Variants in WDR83 observed in about 807,000 individuals in gnomAD.
WDR83 encodes the protein WD repeat domain 83.
Under a neutral mutation model 37.7 loss-of-function variants are expected in WDR83, and 37 were observed. The observed-to-expected ratio is 0.98, with a 90% CI of 0.76 to 1.29. The LOEUF is 1.29. Ranked by LOEUF, WDR83 falls within the 50% of genes most tolerant of loss-of-function variation. WDR83 has a pLI of 0.00. For synonymous variants in WDR83, 174 were observed against 181.1 expected (o/e 0.96, Z 0.31); for missense variants, 445 against 414.4 (o/e 1.07, Z -0.64).
chr19:12,667,663 A>G (rs1424796290), intron 1 of WDR83, among the ~76,000 whole-genome samples: 1 of 152,176 alleles, frequency 6.6e-6, no homozygotes, highest in Non-Finnish European at 1.5e-5. Flanking sequence ...CTGTCTCAAA[A>G]AAAACAAGAA....
chr19:12,668,727 G>A (rs1434699926), intron 2 of WDR83, 100 bp downstream of exon 2: 10 of 938,334 alleles, frequency 1.1e-5, no homozygotes, highest in Non-Finnish European at 1.7e-5. Context: ...TGATGCAGCT[G>A]GGACCTTGCC....
At chr19:12,673,410 C>CTTT (rs58676851) in intron 10 of WDR83, 94 bp downstream of exon 10, 248 of 247,860 alleles carry the variant, frequency 1.0e-3, no homozygotes, top group Middle Eastern at 1.4e-3. Context: ...AGGCTAGGAT[C>CTTT]TTTTTTTTTT....
In WDR83 at chr19:12,670,199, C is replaced by T. The variant is rs1399125571; in HGVS notation, c.244C>T (p.Leu82Phe). Residue 82 changes from leucine (L) to phenylalanine (F), a missense_variant, in exon 5 of 11, where the codon CTC becomes TTC. Coordinates refer to ENST00000418543, the MANE Select transcript of WDR83 (RefSeq NM_001099737.3). ...DAAGSFDNSSLCSGGGDKAVV... is the reference protein window; with the variant it reads ...DAAGSFDNSSFCSGGGDKAVV... ...CTCCAGCTCCTTTGACAACAGTAGT[C>T]TCTGCTCCGGCGGCGGGGACAAGGC... The T allele has an allele frequency of 1.4e-5, 22 of 1,613,942 alleles. No homozygotes were observed. The highest frequency in any genetic ancestry group is 1.7e-5 in the Non-Finnish European group (20 of 1,179,992).
chr19:12,674,611 AG>A lies in WDR83; in HGVS notation c.799-910del, dbSNP rs2024515583. Among the ~76,000 whole-genome samples the A allele has an allele frequency of 5.9e-5, 9 of 152,220 alleles. No individual in the cohort carries two copies. In the South Asian group the frequency reaches 1.9e-3, roughly 32 times the overall value. On this transcript the variant is annotated intron_variant, in intron 10 of 10. Coordinates refer to ENST00000418543, the MANE Select transcript of WDR83 (RefSeq NM_001099737.3). Reference sequence around the variant, plus strand: ...GGAAAGAGGAAGCATGGCTTGCTTGAGGAACTGTTTACATTGTGTTGGGACC... The same window carrying A: ...GGAAAGAGGAAGCATGGCTTGCTTGAGAACTGTTTACATTGTGTTGGGACC...
chr19:12,672,901 A>G lies in WDR83; in HGVS notation c.561A>G (p.Ser187=). The part of the protein sequence containing the change: ...RYDLRMGQLF[S]DYVGSPITCT... ...ACCTAAGGATGGGGCAGCTCTTCTC[A>G]GACTACGTGGGCAGTGAGTGTGGCT... Residue 187 remains serine (S), a synonymous_variant, in exon 8 of 11, where the codon TCA becomes TCG. Coordinates refer to ENST00000418543, the MANE Select transcript of WDR83 (RefSeq NM_001099737.3). 6.3e-7 allele frequency: 1 copy of G among 1,598,626 alleles called. No homozygotes were observed. The highest frequency in any genetic ancestry group is 8.5e-7 in the Non-Finnish European group (1 of 1,172,594).
chr19:12,669,436 C>T, intron 2 of WDR83: 2 of 1,575,112 alleles, frequency 1.3e-6, no homozygotes, highest in South Asian at 2.3e-5. Context: ...GCCTCTTCCG[C>T]TGCAGGAATC....
chr19:12,667,657 C>T (rs2024290852), intron 1 of WDR83, among the ~76,000 whole-genome samples: 1 of 151,868 alleles, frequency 6.6e-6, no homozygotes, highest in Non-Finnish European at 1.5e-5. Flanking sequence ...AAAACTCTGT[C>T]TCAAAAAAAA....
chr19:12,667,353 G>A (rs906473147), intron 1 of WDR83, among the ~76,000 whole-genome samples: 3 of 152,224 alleles, frequency 2.0e-5, no homozygotes, highest in African/African-American at 7.2e-5. Flanking sequence ...AGTGGCTCAA[G>A]CCTGCAATCC....
chr19:12,673,705 C>G (rs969388014), intron 10 of WDR83, among the ~76,000 whole-genome samples: 2 of 151,712 alleles, frequency 1.3e-5, no homozygotes, highest in South Asian at 4.1e-4. Flanking sequence ...CGTAAGCCAC[C>G]ACACCCGGCC....
rs566859217 is a variant in WDR83, at chr19:12,670,171, T to C, written c.225-9T>C. The C allele has an allele frequency of 1.0e-4, 167 of 1,612,726 alleles. 3 individuals carry two copies. The South Asian group carries it at 1.7e-3, about 16-fold the overall frequency. ...GGTCGATGCTGATCCTCCTCCTCCTTTACTCCAGCTCCTTTGACAACAGTA... is the reference window on the plus strand; with the variant it reads ...GGTCGATGCTGATCCTCCTCCTCCTCTACTCCAGCTCCTTTGACAACAGTA... On this transcript the variant is annotated splice_polypyrimidine_tract_variant and intron_variant, in intron 4 of 10. Transcript: ENST00000418543.
chr19:12,672,753 G>C (rs2024459220), intron 7 of WDR83, 94 bp from the exon 8 acceptor site: 1 of 1,310,086 alleles, frequency 7.6e-7, no homozygotes, highest in Admixed American at 2.0e-5. Flanking sequence ...CCTGTGCACT[G>C]GAAGAGCAGG....
At chr19:12,671,832 G>A (rs1440024745) in intron 7 of WDR83, among the ~76,000 whole-genome samples, 2 of 151,962 alleles carry the variant, frequency 1.3e-5, no homozygotes, top group African/African-American at 4.8e-5. Flanking sequence ...CTAGTAGCTG[G>A]GACTACAGTC....
rs2024465054 is a variant in WDR83, at chr19:12,672,924, G to A, written c.574+10G>A. 1 of 1,599,116 alleles carries A rather than the reference G, an allele frequency of 6.3e-7. No individual in the cohort carries two copies. Reference sequence around the variant, plus strand: ...TCAGACTACGTGGGCAGTGAGTGTGGCTGGGGATGTGGGACAGGCAGGGAA... The same window carrying A: ...TCAGACTACGTGGGCAGTGAGTGTGACTGGGGATGTGGGACAGGCAGGGAA... On this transcript the variant is annotated intron_variant, in intron 8 of 10. Transcript: ENST00000418543.
At chr19:12,672,102 C>A (rs2024438846) in intron 7 of WDR83, among the ~76,000 whole-genome samples, 1 of 152,200 alleles carries the variant, frequency 6.6e-6, no homozygotes, top group Non-Finnish European at 1.5e-5. Flanking sequence ...ATCTTGGTGT[C>A]TCACAGCTGA....
intron 5 of WDR83, 113 bp from the exon 6 acceptor site, chr19:12,670,450 C>T (rs2024378766): frequency 6.5e-7 from 1 of 1,545,910 alleles, no homozygotes; most frequent in Non-Finnish European, 8.9e-7. Context: ...CCTTGCTGTT[C>T]CCCCAAAACC....
At chr19:12,668,440 A>G (rs1280182135) in intron 1 of WDR83, 68 bp from the exon 2 acceptor site, 8 of 1,613,408 alleles carry the variant, frequency 5.0e-6, no homozygotes, top group Non-Finnish European at 6.8e-6. Flanking sequence ...GACAGGAGAG[A>G]GGTGTCAGTC....
chr19:12,672,952 T>TG (rs969336010), intron 8 of WDR83, 38 bp downstream of exon 8: 3 of 1,595,350 alleles, frequency 1.9e-6, no homozygotes, highest in Non-Finnish European at 2.6e-6. Context: ...GCAGGGAAGA[T>TG]GGGGGGCCAA....
rs2024359829 is a variant in WDR83, at chr19:12,669,905, C to T, written c.103+12C>T. ...CGTACGATTTAATGGTGAGCGCCTTCGTCTTCATTCCGGGTCCTCCTCCCG... is the reference window on the plus strand; with the variant it reads ...CGTACGATTTAATGGTGAGCGCCTTTGTCTTCATTCCGGGTCCTCCTCCCG... On this transcript the variant is annotated intron_variant, in intron 3 of 10. Transcript: ENST00000418543. 2 of 1,602,096 alleles carry T rather than the reference C, an allele frequency of 1.2e-6. No individual in the cohort carries two copies. The highest frequency in any genetic ancestry group is 1.3e-5 in the African/African-American group (1 of 74,720).
chr19:12,667,271 CG>C (rs940480465), intron 1 of WDR83, among the ~76,000 whole-genome samples: 27 of 152,144 alleles, frequency 1.8e-4, no homozygotes, highest in Non-Finnish European at 3.4e-4. Context: ...GGAAGGACCC[CG>C]AGTCTTTCAT....
Sources: allele counts gnomAD v4.1 joint callset (sites outside exome capture counted in the v4.1 genomes callset), GRCh38; gene constraint gnomAD v4.1.1; transcripts MANE v1.5; gene names NCBI Gene and HGNC (gene_info 2026-07-23, HGNC 2026-07-21).